Variants in KIAA0319L observed in about 807,000 individuals in gnomAD.
The protein encoded by KIAA0319L is KIAA0319 like.
Under a neutral mutation model 120.1 loss-of-function variants are expected in KIAA0319L, and 55 were observed. The observed-to-expected ratio is 0.46, with a 90% CI of 0.37 to 0.57. KIAA0319L has a LOEUF of 0.57. KIAA0319L is among the 20% of genes least tolerant of loss of function. KIAA0319L has a pLI of 0.00. For missense variants in KIAA0319L, 1,049 were observed against 1,255.3 expected (o/e 0.84, Z 2.48); for synonymous variants, 398 against 471.9 (o/e 0.84, Z 2.03).
intron 3 of KIAA0319L, among the ~76,000 whole-genome samples, chr1:35,479,525 T>C (rs927735262): frequency 5.3e-5 from 8 of 152,196 alleles, no homozygotes; most frequent in Non-Finnish European, 1.2e-4. Context: ...CAAATACTTA[T>C]TGAGCACCTA....
intron 2 of KIAA0319L, among the ~76,000 whole-genome samples, chr1:35,539,564 T>C (rs905939944): frequency 2.0e-5 from 3 of 152,232 alleles, no homozygotes; most frequent in African/African-American, 4.8e-5. Flanking sequence ...GAAGACAGCT[T>C]GGCACTGCTT....
chr1:35,497,794 A>T (rs760565546), intron 3 of KIAA0319L, among the ~76,000 whole-genome samples: 3 of 152,150 alleles, frequency 2.0e-5, no homozygotes, highest in Non-Finnish European at 4.4e-5. Context: ...GACTGCTTTC[A>T]TTTTTTTCAT....
At chr1:35,490,254 A>C (rs957521947) in intron 3 of KIAA0319L, among the ~76,000 whole-genome samples, 3 of 152,210 alleles carry the variant, frequency 2.0e-5, no homozygotes, top group African/African-American at 7.2e-5. Flanking sequence ...GCATCAGTTA[A>C]AGTACTAATA....
At chr1:35,532,316 T>C (rs1558617639) in intron 2 of KIAA0319L, among the ~76,000 whole-genome samples, 2 of 152,084 alleles carry the variant, frequency 1.3e-5, no homozygotes, top group Non-Finnish European at 2.9e-5. Context: ...TTGACTGAGT[T>C]TTTAAAAATT....
intron 5 of KIAA0319L, 87 bp downstream of exon 5, chr1:35,474,718 G>A: frequency 1.4e-6 from 1 of 740,508 alleles, no homozygotes; most frequent in Non-Finnish European, 2.4e-6. Context: ...CTGAGCCCAG[G>A]AGTTTGAGAC....
At chr1:35,464,963 G>T (rs911032485) in intron 7 of KIAA0319L, among the ~76,000 whole-genome samples, 1 of 152,204 alleles carries the variant, frequency 6.6e-6, no homozygotes, top group South Asian at 2.1e-4. Flanking sequence ...TTGAGGTTTG[G>T]GAACTTCCGC....
chr1:35,479,222 TA>T lies in KIAA0319L; in HGVS notation c.667-11del. The T allele has an allele frequency of 1.2e-6, 2 of 1,602,922 alleles. No homozygotes were observed. The highest frequency in any genetic ancestry group is 8.5e-7 in the Non-Finnish European group (1 of 1,173,096). On this transcript the variant is annotated splice_polypyrimidine_tract_variant and intron_variant, in intron 3 of 20. Coordinates refer to ENST00000325722, the MANE Select transcript of KIAA0319L (RefSeq NM_024874.5). Reference sequence around the variant, plus strand: ...TAATCGCCTTGTGGACCTAAAGAAATAAAAAAACTAATTTGAGTAGGTAAAA... The same window carrying T: ...TAATCGCCTTGTGGACCTAAAGAAATAAAAAACTAATTTGAGTAGGTAAAA...
At chr1:35,517,413 C>G (rs1645729803) in intron 2 of KIAA0319L, among the ~76,000 whole-genome samples, 1 of 152,078 alleles carries the variant, frequency 6.6e-6, no homozygotes, top group Non-Finnish European at 1.5e-5. Context: ...AAGCCACACA[C>G]CTACGAACAT....
intron 1 of KIAA0319L, among the ~76,000 whole-genome samples, chr1:35,555,197 T>A (rs1234049224): frequency 2.0e-5 from 3 of 152,164 alleles, no homozygotes; most frequent in Non-Finnish European, 2.9e-5. Flanking sequence ...TTACCATAAA[T>A]TTCTCCCCTC....
chr1:35,554,574 T>TC, intron 1 of KIAA0319L, 55 bp from the exon 2 acceptor site: 1 of 1,205,450 alleles, frequency 8.3e-7, no homozygotes. Context: ...AATTAATTCC[T>TC]GGAAATGTGG....
At chr1:35,458,898 T>C (rs190418577) in intron 9 of KIAA0319L, among the ~76,000 whole-genome samples, 2 of 151,864 alleles carry the variant, frequency 1.3e-5, no homozygotes, top group African/African-American at 4.8e-5. Flanking sequence ...TCCAATCTTG[T>C]TGTACTGGCA....
intron 20 of KIAA0319L, 66 bp from the exon 21 acceptor site, chr1:35,435,147 T>C: frequency 6.9e-7 from 1 of 1,443,770 alleles, no homozygotes; most frequent in South Asian, 1.2e-5. Context: ...CCCCCACACC[T>C]TACCCCAGCC....
In KIAA0319L at chr1:35,525,784, G is replaced by A. The variant is rs149401746; in HGVS notation, c.143-18649C>T. Among the ~76,000 whole-genome samples, 387 of 152,158 alleles carry A rather than the reference G, an allele frequency of 2.5e-3. 7 individuals are homozygous for A. Among genetic ancestry groups the A allele is most frequent in the African/African-American group, 2.1e-3 (87 of 41,516 alleles). The stretch of plus-strand genomic sequence containing the variant: ...TTGCAAATATTTTCTCCCATTCAAC[G>A]GGTTCTCTCTTCACTTTGTTGTTTC... On this transcript the variant is annotated intron_variant, in intron 2 of 20. Coordinates refer to ENST00000325722, the MANE Select transcript of KIAA0319L (RefSeq NM_024874.5).
intron 3 of KIAA0319L, among the ~76,000 whole-genome samples, chr1:35,489,816 G>C (rs1644525504): frequency 6.6e-6 from 1 of 151,790 alleles, no homozygotes; most frequent in Non-Finnish European, 1.5e-5. Flanking sequence ...ACAGGCGCCT[G>C]CCACTGTGCC....
chr1:35,470,682 A>T (rs942019805), intron 6 of KIAA0319L, among the ~76,000 whole-genome samples, 181 bp downstream of exon 6: 1 of 152,172 alleles, frequency 6.6e-6, no homozygotes, highest in African/African-American at 2.4e-5. Flanking sequence ...TCTTACCATA[A>T]ATGAAATTTT....
At chr1:35,440,527 A>T (rs1364343699) in intron 20 of KIAA0319L, 1 of 155,300 alleles carries the variant, frequency 6.4e-6, no homozygotes, top group Non-Finnish European at 1.4e-5. Flanking sequence ...GCCATCACTC[A>T]AAGTCATCTT....
At position 35,506,104 on chromosome 1, in the gene KIAA0319L, C is replaced by T. The variant is rs557596841; in HGVS notation, c.666+508G>A. 6.6e-6 allele frequency among the ~76,000 whole-genome samples: 1 copy of T among 152,304 alleles called. No individual in the cohort carries two copies. Among genetic ancestry groups the T allele is most frequent in the Non-Finnish European group, 1.5e-5 (1 of 68,030 alleles). ...TATACAGCTTGGTGAGAATTCACTC[C>T]AGAGACCTCTTGGCTAATGGCCACA... On this transcript the variant is annotated intron_variant, in intron 3 of 20. Coordinates refer to ENST00000325722, the MANE Select transcript of KIAA0319L (RefSeq NM_024874.5). This position sits in a 1 kb window ranked among gnomAD's most constrained non-coding sequence, Gnocchi z 4.0.
chr1:35,557,612 G>T, upstream of KIAA0319L: 2 of 451,094 alleles, frequency 4.4e-6, no homozygotes, highest in Non-Finnish European at 8.9e-6. Context: ...TCTGCACCTT[G>T]CCTCCTTCGC....
intron 2 of KIAA0319L, among the ~76,000 whole-genome samples, chr1:35,552,042 T>TAAA (rs766788729): frequency 7.4e-6 from 1 of 135,394 alleles, no homozygotes. Flanking sequence ...TGGTACTGGG[T>TAAA]AAAAAAAAAA....
Sources: allele counts gnomAD v4.1 joint callset (sites outside exome capture counted in the v4.1 genomes callset), GRCh38; gene constraint gnomAD v4.1.1; non-coding constraint Gnocchi (gnomAD v3.1); transcripts MANE v1.5; gene names NCBI Gene and HGNC (gene_info 2026-07-23, HGNC 2026-07-21).